XPO1: variants seen among roughly 807,000 people sequenced by gnomAD.
XPO1 encodes exportin 1.
Under a neutral mutation model 133.3 loss-of-function variants are expected in XPO1, and 5 were observed. That is an observed-to-expected ratio of 0.04 (90% CI 0.02 to 0.08). The LOEUF (loss-of-function observed/expected upper bound fraction) is 0.08. Ranked by LOEUF, XPO1 falls within the 10% of genes least tolerant of loss-of-function variation. The pLI is 1.00. For synonymous variants in XPO1, 419 were observed against 408.2 expected (o/e 1.03, Z -0.32); for missense variants, 506 against 1,267.5 (o/e 0.40, Z 9.12).
chr2:61,492,520 CATA>C lies in XPO1; in HGVS notation c.1567-42_1567-40del. On this transcript the variant is annotated intron_variant, in intron 14 of 24. Transcript: ENST00000401558. This position sits in a 1 kb window ranked among gnomAD's most constrained non-coding sequence, Gnocchi z 5.6. Reference sequence around the variant, plus strand: ...AAATTTGTATTATTTATTGTAACAACATAATACTTATTTAGCAATTCTAATTCA... The same window carrying C: ...AAATTTGTATTATTTATTGTAACAACATACTTATTTAGCAATTCTAATTCA... The C allele has an allele frequency of 1.9e-6, 3 of 1,593,596 alleles. No individual in the cohort carries two copies. Among genetic ancestry groups the C allele is most frequent in the Non-Finnish European group, 2.6e-6 (3 of 1,172,536 alleles).
chr2:61,520,847 C>G (rs1698656160), intron 4 of XPO1, among the ~76,000 whole-genome samples: 2 of 152,046 alleles, frequency 1.3e-5, no homozygotes. Context: ...TAAAATGGGA[C>G]AGAAGTAAAT....
intron 2 of XPO1, 132 bp downstream of exon 2, chr2:61,533,640 T>C (rs953895631): frequency 1.0e-4 from 113 of 1,113,476 alleles, no homozygotes; most frequent in Middle Eastern, 6.2e-4. Flanking sequence ...TTCATTATGG[T>C]TAATACAGAA....
chr2:61,481,759 G>GACAGTCTTGCTCTGTCACCC (rs1420582729), intron 23 of XPO1, among the ~76,000 whole-genome samples: 1 of 149,558 alleles, frequency 6.7e-6, no homozygotes, highest in African/African-American at 2.5e-5. Flanking sequence ...TATTTTTTGA[G>GACAGTCTTGCTCTGTCACCC]ACAGTCTTGC....
chr2:61,511,234 C>T (rs757250573), intron 4 of XPO1, among the ~76,000 whole-genome samples: 9 of 152,132 alleles, frequency 5.9e-5, no homozygotes, highest in Non-Finnish European at 1.0e-4. Flanking sequence ...AGCAATTCTC[C>T]GGCCTCAGCC....
At chr2:61,526,706 A>AT (rs34463563) in intron 2 of XPO1, among the ~76,000 whole-genome samples, 185 bp from the exon 3 acceptor site, 282 of 134,938 alleles carry the variant, frequency 2.1e-3, no homozygotes, top group Middle Eastern at 7.4e-3. Flanking sequence ...ATGACTCCCA[A>AT]TTTTTTTTTT....
intron 4 of XPO1, among the ~76,000 whole-genome samples, chr2:61,509,360 G>C (rs1025448688): frequency 1.3e-5 from 2 of 152,090 alleles, no homozygotes; most frequent in Non-Finnish European, 2.9e-5. Flanking sequence ...TGCTCAGGTT[G>C]GGTGAGATAG....
rs2104411456 is a variant in XPO1, at chr2:61,490,738, A to G, written c.1926T>C (p.Gly642=). ...CTTGTACTGTTTGATCTGTTTGTGC[A>G]CCAATCATGTACCCCACAGCTTCAT... ...TFYEAVGYMI[G]AQTDQTVQEH... The change falls in exon 17 of 25, where the codon GGT becomes GGC. Residue 642 remains glycine (G), a synonymous_variant. Coordinates refer to ENST00000401558, the MANE Select transcript of XPO1 (RefSeq NM_003400.4). 6.2e-7 allele frequency: 1 copy of G among 1,614,182 alleles called. No homozygotes were observed. The highest frequency in any genetic ancestry group is 2.2e-5 in the East Asian group (1 of 44,886).
intron 4 of XPO1, among the ~76,000 whole-genome samples, chr2:61,515,151 G>A (rs1199226897): frequency 6.6e-6 from 1 of 152,048 alleles, no homozygotes; most frequent in Non-Finnish European, 1.5e-5. Context: ...GTGAAGAGGG[G>A]CAGTGAAGGT....
chr2:61,483,959 A>G lies in XPO1; in HGVS notation c.2655T>C (p.Thr885=). 1 of 1,613,444 alleles carries G rather than the reference A, an allele frequency of 6.2e-7. No homozygotes were observed. Among genetic ancestry groups the G allele is most frequent in the Non-Finnish European group, 8.5e-7 (1 of 1,179,818 alleles). Residue 885 remains threonine (T), a synonymous_variant, in exon 21 of 25, where the codon ACT becomes ACC. Transcript: ENST00000401558. The part of the protein sequence containing the change: ...LDSIIWAFKH[T]MRNVADTGLQ... Reference sequence around the variant, plus strand: ...TACCCGTATCTGCGACATTCCTCATAGTATGTTTGAAAGCCCAAATGATGG... The same window carrying G: ...TACCCGTATCTGCGACATTCCTCATGGTATGTTTGAAAGCCCAAATGATGG...
At chr2:61,519,722 A>C (rs918811907) in intron 4 of XPO1, among the ~76,000 whole-genome samples, 71 of 144,628 alleles carry the variant, frequency 4.9e-4, no homozygotes, top group Non-Finnish European at 8.7e-4. Context: ...AAAAAAAAAA[A>C]ACACCACGTA....
At position 61,481,170 on chromosome 2, in the gene XPO1, C is replaced by A; in HGVS notation, c.3069+15G>T. 1 of 1,558,990 alleles carries A rather than the reference C, an allele frequency of 6.4e-7. No individual in the cohort carries two copies. Among genetic ancestry groups the A allele is most frequent in the Non-Finnish European group, 8.7e-7 (1 of 1,146,290 alleles). On this transcript the variant is annotated intron_variant, in intron 24 of 24. Coordinates refer to ENST00000401558, the MANE Select transcript of XPO1 (RefSeq NM_003400.4). The stretch of plus-strand genomic sequence containing the variant: ...TCTACCCCTAATATTTCTGCAAGAG[C>A]AAATAAATACATACCTTTATTTGAA...
chr2:61,510,711 A>C (rs1042981103), intron 4 of XPO1, among the ~76,000 whole-genome samples: 2 of 152,086 alleles, frequency 1.3e-5, no homozygotes, highest in Non-Finnish European at 2.9e-5. Flanking sequence ...GCTGAGGCAG[A>C]GGATCGCTTG....
chr2:61,507,112 G>A (rs926735052), intron 4 of XPO1, among the ~76,000 whole-genome samples: 1 of 151,904 alleles, frequency 6.6e-6, no homozygotes, highest in African/African-American at 2.4e-5. Flanking sequence ...TGGGCGTGGT[G>A]GCATGCGCCT....
At chr2:61,493,862 C>G in intron 12 of XPO1, 32 bp downstream of exon 12, 1 of 1,610,192 alleles carries the variant, frequency 6.2e-7, no homozygotes, top group Non-Finnish European at 8.5e-7. Flanking sequence ...CAGTATGCAA[C>G]AGGAAGAACA....
chr2:61,486,355 G>A (rs1696692658), intron 19 of XPO1, among the ~76,000 whole-genome samples: 1 of 152,092 alleles, frequency 6.6e-6, no homozygotes, highest in South Asian at 2.1e-4. Context: ...CTCACAATAA[G>A]AAAAGTGAGG....
intron 6 of XPO1, among the ~76,000 whole-genome samples, chr2:61,500,787 A>G (rs1175423775): frequency 6.6e-6 from 1 of 152,088 alleles, no homozygotes; most frequent in Non-Finnish European, 1.5e-5. Flanking sequence ...CGACAGAGCG[A>G]CACTCCATTT....
chr2:61,498,525 G>C, intron 9 of XPO1, 148 bp downstream of exon 9: 1 of 900,136 alleles, frequency 1.1e-6, no homozygotes, highest in Non-Finnish European at 1.6e-6. Flanking sequence ...AATTTACTAG[G>C]TGTGAATATG....
Position 61,528,690 on chromosome 2 carries a change from T to A in XPO1, c.127-2169A>T, listed in dbSNP as rs144805011. 8.9e-3 allele frequency among the ~76,000 whole-genome samples: 1,305 copies of A among 146,406 alleles called. 28 individuals are homozygous for A. Among genetic ancestry groups the A allele is most frequent in the African/African-American group, 0.032 (1,255 of 39,812 alleles). ...AAAATCTTTCCTGCAATTAGTTTTT[T>A]TCATTTGACAGTTTTTAAGATCCAG... is the stretch of plus-strand genomic sequence containing the variant. On this transcript the variant is annotated intron_variant, in intron 2 of 24. Transcript: ENST00000401558.
intron 2 of XPO1, among the ~76,000 whole-genome samples, chr2:61,529,764 T>C (rs1699073317): frequency 6.6e-6 from 1 of 152,088 alleles, no homozygotes; most frequent in African/African-American, 2.4e-5. Context: ...CAATACCACA[T>C]TCATGACTAT....
Sources: gnomAD v4.1 joint callset for allele counts (sites outside exome capture counted in the v4.1 genomes callset) on GRCh38, gnomAD v4.1.1 for gene constraint, Gnocchi (gnomAD v3.1) non-coding constraint, MANE v1.5 for transcripts, NCBI Gene and HGNC (gene_info 2026-07-23, HGNC 2026-07-21) for gene names.